The following UVSSA variants were observed in gnomAD, a reference collection of about 807,000 sequenced individuals.
UVSSA encodes UV stimulated scaffold protein A, also known as UV-stimulated scaffold protein A.
Under a neutral mutation model 73.9 loss-of-function variants are expected in UVSSA, and 72 were observed. The observed-to-expected ratio is 0.97, with a 90% CI of 0.81 to 1.19. The LOEUF (loss-of-function observed/expected upper bound fraction) is 1.19, where lower values mean the gene tolerates loss of function less well. UVSSA is among the 50% of genes most tolerant of loss of function. The probability of loss-of-function intolerance (pLI) is 0.00; values close to 1 mark genes in which losing one functional copy is unlikely to be tolerated. For synonymous variants in UVSSA, 454 were observed against 391.3 expected (o/e 1.16, Z -1.89); for missense variants, 1,150 against 965.0 (o/e 1.19, Z -2.54).
chr4:1,376,531 T>C (rs575817191), intron 10 of UVSSA, among the ~76,000 whole-genome samples: 1 of 152,278 alleles, frequency 6.6e-6, no homozygotes, highest in South Asian at 2.1e-4. Flanking sequence ...GCCTGGGGCT[T>C]CCTGACCGTG....
Position 1,375,473 on chromosome 4 carries a change from G to T in UVSSA, c.1398G>T (p.Gln466His). ...CCTCTGCGGCTGCTCAGCTGCGGCA[G>T]CTCCGGGACCACTTGCCTCCACCCT... ...DPTSAAAQLR[Q>H]LRDHLPPPSS... The change falls in exon 9 of 14, where the codon CAG becomes CAT. Residue 466 changes from glutamine (Q) to histidine (H), a missense_variant. Physicochemically the swap from Gln to His is conservative, Grantham distance 24. Transcript: ENST00000389851. 6.2e-7 allele frequency: 1 copy of T among 1,612,234 alleles called. No homozygotes were observed. Among genetic ancestry groups the T allele is most frequent in the Non-Finnish European group, 8.5e-7 (1 of 1,179,950 alleles).
Position 1,349,726 on chromosome 4 carries a change from CCCCCCAGGGAGGCGG to C in UVSSA, c.303_317del (p.Pro102_Ala106del). On this transcript the variant is annotated inframe_deletion, in exon 3 of 14. Transcript: ENST00000389851. ...CACAGACCCCGCACAGCCTCTGCCG[CCCCCCAGGGAGGCGG>C]CACAGAGGCTGAGGCAGGCGACCAC... 6.2e-7 allele frequency: 1 copy of C among 1,613,706 alleles called. No homozygotes were observed.
At chr4:1,381,560 C>T (rs1481384151) in intron 12 of UVSSA, among the ~76,000 whole-genome samples, 1 of 152,184 alleles carries the variant, frequency 6.6e-6, no homozygotes, top group African/African-American at 2.4e-5. Flanking sequence ...ACCCCAGGCC[C>T]ATCTGCCCGC....
rs566290465 is a variant in UVSSA at position 1,356,123 on chromosome 4, A to G, written c.1176+878A>G. Among the ~76,000 whole-genome samples, 407 of 151,996 alleles carry G rather than the reference A, an allele frequency of 2.7e-3. 1 individual carries two copies. The highest frequency in any genetic ancestry group is 9.3e-3 in the African/African-American group (384 of 41,424). ...AGGAACCCAAGCCCTGAACCCCAAC[A>G]CCCCTGAGCTCGGACCCCAAATCCA... On this transcript the variant is annotated intron_variant, in intron 7 of 13. Coordinates refer to ENST00000389851, the MANE Select transcript of UVSSA (RefSeq NM_020894.4).
chr4:1,379,870 T>C lies in UVSSA; in HGVS notation c.1569-177T>C, dbSNP rs4974617. Among the ~76,000 whole-genome samples, 207 of 11,930 alleles carry C rather than the reference T, an allele frequency of 0.017. 38 individuals are homozygous for C. In the African/African-American group the frequency reaches 0.19, roughly 11 times the overall value. The allele number at this position is 11,930 out of a possible 152,430, so 7.8% of individuals were successfully genotyped here. On this transcript the variant is annotated intron_variant, in intron 10 of 13. Coordinates refer to ENST00000389851, the MANE Select transcript of UVSSA (RefSeq NM_020894.4). The stretch of plus-strand genomic sequence containing the variant: ...TGCCCGTGGTCGCGCGGCTGGTTCA[T>C]GTGGCGTCAGAATTCAGACCCAGCC...
intron 10 of UVSSA, 36 bp downstream of exon 10, chr4:1,376,204 A>C: frequency 6.3e-7 from 1 of 1,583,432 alleles, no homozygotes; most frequent in Non-Finnish European, 8.6e-7. Context: ...GCCAGGGCAC[A>C]CAACCAGGGT....
chr4:1,348,077 T>TA lies in UVSSA; in HGVS notation c.-2-12dup, dbSNP rs756548222. 10 of 1,596,998 alleles carry TA rather than the reference T, an allele frequency of 6.3e-6. No homozygotes were observed. In the African/African-American group the frequency reaches 1.1e-4, roughly 17 times the overall value. The stretch of plus-strand genomic sequence containing the variant: ...AGATGGTGATATAGCATCTCTGCCT[T>TA]ACTTATTTCTAGATATGGATCAGAA... On this transcript the variant is annotated splice_polypyrimidine_tract_variant and intron_variant, in intron 1 of 13. Transcript: ENST00000389851.
chr4:1,354,402 A>T (rs573868280), intron 5 of UVSSA: 72 of 312,734 alleles, frequency 2.3e-4, no homozygotes, highest in African/African-American at 1.5e-3. Flanking sequence ...TGTGGAGGGG[A>T]AGGTTCTGTG....
chr4:1,346,872 T>C (rs1453669193), upstream of UVSSA, among the ~76,000 whole-genome samples: 3 of 152,150 alleles, frequency 2.0e-5, no homozygotes, highest in Admixed American at 6.5e-5. Context: ...TCCCGCCTCT[T>C]TTTTCTCGTG....
In UVSSA at chr4:1,353,566, G is replaced by C. The variant is rs576763969; in HGVS notation, c.934+153G>C. 5.9e-5 allele frequency among the ~76,000 whole-genome samples: 9 copies of C among 152,302 alleles called. No homozygotes were observed. The South Asian group carries it at 1.9e-3, about 32-fold the overall frequency. On this transcript the variant is annotated intron_variant, in intron 5 of 13. Transcript: ENST00000389851. Reference sequence around the variant, plus strand: ...TCACCACCAGGTTTTTCCTTTCTGTGTGGCCTCTGCACTGGGCTCCCCCCA... The same window carrying C: ...TCACCACCAGGTTTTTCCTTTCTGTCTGGCCTCTGCACTGGGCTCCCCCCA...
In UVSSA at chr4:1,353,372, T is replaced by C; in HGVS notation, c.893T>C (p.Leu298Pro). ...DLEEFVRSHGLGSHKYTLDVE... is the reference protein window; with the variant it reads ...DLEEFVRSHGPGSHKYTLDVE... Reference sequence around the variant, plus strand: ...GAGGAGTTTGTGCGGAGCCACGGGCTGGGCTCGCACAAGTACACGCTGGAT... The same window carrying C: ...GAGGAGTTTGTGCGGAGCCACGGGCCGGGCTCGCACAAGTACACGCTGGAT... Residue 298 changes from leucine (L) to proline (P), a missense_variant, in exon 5 of 14, where the codon CTG becomes CCG. Transcript: ENST00000389851. The C allele has an allele frequency of 4.4e-6, 7 of 1,602,930 alleles. No homozygotes were observed. The highest frequency in any genetic ancestry group is 6.0e-6 in the Non-Finnish European group (7 of 1,175,348).
At chr4:1,377,078 C>T (rs1036718870) in intron 10 of UVSSA, among the ~76,000 whole-genome samples, 2 of 152,180 alleles carry the variant, frequency 1.3e-5, no homozygotes, top group African/African-American at 2.4e-5. Context: ...GTCTGCGGGG[C>T]GTGATGCGGG....
intron 10 of UVSSA, among the ~76,000 whole-genome samples, chr4:1,377,485 G>A (rs1164128169): frequency 6.6e-6 from 1 of 152,096 alleles, no homozygotes; most frequent in East Asian, 1.9e-4. Flanking sequence ...CGGCCGGAGA[G>A]GTCGGGAAGA....
chr4:1,349,612 C>T lies in UVSSA; in HGVS notation c.187C>T (p.Gln63Ter). Residue 63 changes from glutamine to a stop codon, truncating the protein, a stop_gained, in exon 3 of 14, where the codon CAG becomes TAG. Transcript: ENST00000389851. LOFTEE classifies it high-confidence loss of function. Reference protein sequence around the residue: ...EHAEIRLSAFQIVEELFVRSH... With the variant: ...EHAEIRLSAF ...CGCCGAGATCCGTCTCTCAGCCTTC[C>T]AGATTGTGGAGGAACTCTTCGTCAG... 1 of 1,614,130 alleles carries T rather than the reference C, an allele frequency of 6.2e-7. No individual in the cohort carries two copies.
In UVSSA at chr4:1,380,870, C is replaced by T. The variant is rs545736028; in HGVS notation, c.1753-10C>T. On this transcript the variant is annotated splice_polypyrimidine_tract_variant and intron_variant, in intron 11 of 13. Coordinates refer to ENST00000389851, the MANE Select transcript of UVSSA (RefSeq NM_020894.4). ...TCCCCGCCATCAGCCACCGTGTCCT[C>T]GCTGTGCAGTGCCCTTTCCATGGGA... 4.5e-5 allele frequency: 73 copies of T among 1,611,226 alleles called. 2 individuals carry two copies. The highest frequency in any genetic ancestry group is 8.9e-5 in the East Asian group (4 of 44,828).
chr4:1,375,328 G>C (rs767043868), intron 8 of UVSSA, 36 bp from the exon 9 acceptor site: 1 of 1,609,426 alleles, frequency 6.2e-7, no homozygotes, highest in Non-Finnish European at 8.5e-7. Flanking sequence ...CGGGTTGTGG[G>C]AGTGGTGGCA....
intron 7 of UVSSA, among the ~76,000 whole-genome samples, chr4:1,356,322 G>A (rs1246150630): frequency 6.6e-6 from 1 of 152,166 alleles, no homozygotes; most frequent in Non-Finnish European, 1.5e-5. Context: ...TGCTGAGCCT[G>A]TCGTTTTCCC....
chr4:1,347,095 C>T (rs1277023661), upstream of UVSSA, among the ~76,000 whole-genome samples: 1 of 151,840 alleles, frequency 6.6e-6, no homozygotes, highest in Non-Finnish European at 1.5e-5. Flanking sequence ...TAGGTGCAGT[C>T]GTCGCTGTGG....
rs1168731610 is a variant in UVSSA, at chr4:1,376,148, C to T, written c.1548C>T (p.Pro516=). Residue 516 remains proline (P), a synonymous_variant, in exon 10 of 14, where the codon CCC becomes CCT. Coordinates refer to ENST00000389851, the MANE Select transcript of UVSSA (RefSeq NM_020894.4). ...TGCACTACTGGGGCCAGGAGCTCCC[C>T]ACAGCCGGGAAGATTGTCAAGTGAG... ...VDLHYWGQEL[P]TAGKIVKSDS... is the part of the protein sequence containing the mutation. 1 of 1,610,430 alleles carries T rather than the reference C, an allele frequency of 6.2e-7. No individual in the cohort carries two copies. Among genetic ancestry groups the T allele is most frequent in the Non-Finnish European group, 8.5e-7 (1 of 1,178,694 alleles).
Sources: allele counts gnomAD v4.1 joint callset (sites outside exome capture counted in the v4.1 genomes callset), GRCh38; gene constraint gnomAD v4.1.1; transcripts MANE v1.5; gene names NCBI Gene and HGNC (gene_info 2026-07-23, HGNC 2026-07-21).